DIP2B: variants seen among roughly 807,000 people sequenced by gnomAD.
The protein encoded by DIP2B is disco-interacting protein 2 homolog B.
DIP2B carries 76 observed loss-of-function variants against 198.0 expected under a neutral mutation model. That is an observed-to-expected ratio of 0.38 (90% CI 0.32 to 0.46). DIP2B has a LOEUF of 0.46. Among genes scored for constraint, DIP2B ranks in the 20% least tolerant of loss-of-function variants. The pLI is 0.99. For missense variants in DIP2B, 1,559 were observed against 1,978.4 expected (o/e 0.79, Z 4.02); for synonymous variants, 701 against 739.1 (o/e 0.95, Z 0.84).
chr12:50,676,741 G>A lies in DIP2B; in HGVS notation c.916+1293G>A, dbSNP rs1457497397. ...TCTGAAAGAGCATGCCCCAGAATCT[G>A]CATTGAAGCCTAATGGATAATGGCG... On this transcript the variant is annotated intron_variant, in intron 7 of 37. Transcript: ENST00000301180. 2.0e-5 allele frequency among the ~76,000 whole-genome samples: 3 copies of A among 152,214 alleles called. No homozygotes were observed. In the East Asian group the frequency reaches 5.8e-4, roughly 29 times the overall value.
At position 50,716,958 on chromosome 12, in the gene DIP2B, C is replaced by CTTTTTTTTTTTTTTTTTTTTTTT. The variant is rs4026694; in HGVS notation, c.2852-1750_2852-1728dup. 3.3e-3 allele frequency among the ~76,000 whole-genome samples: 193 copies of CTTTTTTTTTTTTTTTTTTTTTTT among 58,932 alleles called. 56 individuals carry two copies. The highest frequency in any genetic ancestry group is 6.2e-3 in the East Asian group (8 of 1,298). The allele number at this position is 58,932 out of a possible 152,430, so 38.7% of individuals were successfully genotyped here. A position where few individuals can be genotyped will look rare whatever the true frequency, so the allele number is the denominator to read the frequency against. ...CCTATCCTAGATTTACGAATTGTTGCTTTTTTTTTTTTTTTTTTTTTTTGA... is the reference window on the plus strand; with the variant it reads ...CCTATCCTAGATTTACGAATTGTTGCTTTTTTTTTTTTTTTTTTTTTTTTTTTTTTTTTTTTTTTTTTTTTTGA... On this transcript the variant is annotated intron_variant, in intron 23 of 37. Transcript: ENST00000301180.
At chr12:50,587,468 G>A (rs964752912) in intron 1 of DIP2B, among the ~76,000 whole-genome samples, 1 of 152,176 alleles carries the variant, frequency 6.6e-6, no homozygotes, top group Admixed American at 6.6e-5. Context: ...TTACATGACG[G>A]GGAGGGATCA....
chr12:50,652,905 C>G (rs1938482319), intron 3 of DIP2B, among the ~76,000 whole-genome samples: 1 of 148,798 alleles, frequency 6.7e-6, no homozygotes, highest in Admixed American at 6.7e-5. Flanking sequence ...TCTTAATTTT[C>G]TTTTCAGGTA....
At chr12:50,605,409 CA>C (rs1420346989) in intron 1 of DIP2B, among the ~76,000 whole-genome samples, 1 of 151,964 alleles carries the variant, frequency 6.6e-6, no homozygotes, top group Non-Finnish European at 1.5e-5. Flanking sequence ...TGGCGAAATA[CA>C]AAAATTAGCC....
At position 50,674,635 on chromosome 12, in the gene DIP2B, G is replaced by A; in HGVS notation, c.796+6G>A. On this transcript the variant is annotated splice_donor_region_variant and intron_variant, in intron 6 of 37. Transcript: ENST00000301180. The stretch of plus-strand genomic sequence containing the variant: ...CCTTATGGATACAGCTGATGGTAAG[G>A]AGTTGTTTTTGGTAGCTCAATTGTA... 6.2e-7 allele frequency: 1 copy of A among 1,613,942 alleles called. No homozygotes were observed. Among genetic ancestry groups the A allele is most frequent in the Non-Finnish European group, 8.5e-7 (1 of 1,179,888 alleles).
chr12:50,585,226 C>T (rs1216385511), intron 1 of DIP2B, among the ~76,000 whole-genome samples: 1 of 152,208 alleles, frequency 6.6e-6, no homozygotes, highest in Admixed American at 6.5e-5. Context: ...ATTTTTCCAG[C>T]AAATATTGAT....
intron 6 of DIP2B, 126 bp downstream of exon 6, chr12:50,674,755 T>A: frequency 8.9e-7 from 1 of 1,123,674 alleles, no homozygotes; most frequent in Non-Finnish European, 1.3e-6. Context: ...CACTAATAAC[T>A]AATCCTGGGT....
chr12:50,547,597 G>A (rs1958388765), intron 1 of DIP2B, among the ~76,000 whole-genome samples: 1 of 152,176 alleles, frequency 6.6e-6, no homozygotes, highest in Non-Finnish European at 1.5e-5. Context: ...GGGGCAGAGT[G>A]TATGAGAGAA....
intron 4 of DIP2B, among the ~76,000 whole-genome samples, chr12:50,665,948 T>C (rs1938745311): frequency 6.6e-6 from 1 of 152,152 alleles, no homozygotes; most frequent in Non-Finnish European, 1.5e-5. Context: ...ATTTACCAGG[T>C]TGGGGAGTCT....
intron 1 of DIP2B, among the ~76,000 whole-genome samples, chr12:50,608,369 C>A (rs1336444994): frequency 6.6e-6 from 1 of 152,038 alleles, no homozygotes; most frequent in African/African-American, 2.4e-5. Flanking sequence ...CACCTGTAAT[C>A]CCAGCATTTT....
intron 19 of DIP2B, among the ~76,000 whole-genome samples, 161 bp downstream of exon 19, chr12:50,699,363 T>A (rs1174436030): frequency 6.6e-6 from 1 of 152,198 alleles, no homozygotes; most frequent in Non-Finnish European, 1.5e-5. Context: ...GGTCACTAGC[T>A]GACCTTGGGT....
intron 12 of DIP2B, among the ~76,000 whole-genome samples, chr12:50,689,970 A>T (rs78072604): frequency 1.3e-5 from 2 of 152,176 alleles, no homozygotes; most frequent in African/African-American, 4.8e-5. Context: ...ACAATCAAAA[A>T]ATTGGGGCTG....
At chr12:50,631,949 C>T (rs923223353) in intron 2 of DIP2B, among the ~76,000 whole-genome samples, 5 of 151,112 alleles carry the variant, frequency 3.3e-5, no homozygotes, top group African/African-American at 9.7e-5. Context: ...ATATTTACCC[C>T]ATATATCTTT....
intron 1 of DIP2B, among the ~76,000 whole-genome samples, chr12:50,607,106 T>A (rs898300394): frequency 7.5e-6 from 1 of 132,940 alleles, no homozygotes; most frequent in Non-Finnish European, 1.6e-5. Flanking sequence ...CATGCTTGGC[T>A]TCTTTTTTTT....
intron 8 of DIP2B, 47 bp from the exon 9 acceptor site, chr12:50,680,625 T>A (rs771425503): frequency 6.8e-7 from 1 of 1,479,810 alleles, no homozygotes; most frequent in Non-Finnish European, 9.4e-7. Context: ...GAGGTAGACC[T>A]GTTTTTTTTT....
At chr12:50,610,053 C>A (rs781209322) in intron 1 of DIP2B, among the ~76,000 whole-genome samples, 2 of 152,288 alleles carry the variant, frequency 1.3e-5, no homozygotes, top group South Asian at 4.1e-4. Flanking sequence ...ACAGCTATAA[C>A]ACCTAAATAT....
chr12:50,729,965 C>G (rs372992417), intron 30 of DIP2B, among the ~76,000 whole-genome samples: 1 of 152,058 alleles, frequency 6.6e-6, no homozygotes, highest in African/African-American at 2.4e-5. Context: ...TCAGGCAGTC[C>G]GCCTGCCTCG....
chr12:50,530,086 AT>A (rs984706054), intron 1 of DIP2B, among the ~76,000 whole-genome samples: 4 of 150,250 alleles, frequency 2.7e-5, no homozygotes, highest in Admixed American at 2.0e-4. Context: ...CATCACTTTC[AT>A]TTTTTTTGAG....
At chr12:50,601,407 C>T (rs1002241786) in intron 1 of DIP2B, among the ~76,000 whole-genome samples, 5 of 151,658 alleles carry the variant, frequency 3.3e-5, no homozygotes, top group East Asian at 1.9e-4. Context: ...TGCAGTGGCG[C>T]GATCTCGACT....
Sources: gnomAD v4.1 joint callset for allele counts (sites outside exome capture counted in the v4.1 genomes callset) on GRCh38, gnomAD v4.1.1 for gene constraint, MANE v1.5 for transcripts, NCBI Gene and HGNC (gene_info 2026-07-23, HGNC 2026-07-21) for gene names.